The following RTCA variants were observed in gnomAD, a reference collection of about 807,000 sequenced individuals.
RTCA encodes the protein RNA terminal phosphate cyclase domain 1.
In RTCA, 37 loss-of-function variants were observed where a neutral mutation model predicts 46.1. The observed-to-expected ratio is 0.80, with a 90% CI of 0.62 to 1.06. The LOEUF (loss-of-function observed/expected upper bound fraction) is 1.06. RTCA is among the 50% of genes least tolerant of loss of function. The pLI is 0.00. For synonymous variants in RTCA, 164 were observed against 158.3 expected (o/e 1.04, Z -0.27); for missense variants, 435 against 455.5 (o/e 0.95, Z 0.41).
chr1:100,285,387 A>T lies in RTCA; in HGVS notation c.894+65A>T, dbSNP rs80144761. ...GATTTGAATATGTGGTAGATTGAAT[A>T]TCAATTTAAATAATTGACTTTCAGA... is the stretch of plus-strand genomic sequence containing the variant. On this transcript the variant is annotated intron_variant, in intron 9 of 10. Coordinates refer to ENST00000370128, the MANE Select transcript of RTCA (RefSeq NM_003729.4). 5,576 of 1,048,016 alleles carry T rather than the reference A, an allele frequency of 5.3e-3. 81 individuals carry two copies. The highest frequency in any genetic ancestry group is 0.038 in the Middle Eastern group (183 of 4,842). 64.9% of individuals were successfully genotyped at this position (1,048,016 alleles called of 1,614,324 possible). A position where few individuals can be genotyped will look rare whatever the true frequency, so the allele number is the denominator to read the frequency against.
chr1:100,291,607 TTTG>T lies in RTCA; in HGVS notation c.*104_*106del. On this transcript the variant is annotated 3_prime_UTR_variant, in exon 11 of 11. Transcript: ENST00000370128. ...AACTTATTAAAGGCTATGACTTAAA[TTTG>T]AAGATGAAGTACAGTGTTCTAGGTT... 1.4e-6 allele frequency: 1 copy of T among 728,956 alleles called. No individual in the cohort carries two copies. Among genetic ancestry groups the T allele is most frequent in the Non-Finnish European group, 2.3e-6 (1 of 439,686 alleles). 45.2% of individuals were successfully genotyped at this position (728,956 alleles called of 1,614,324 possible).
rs143784565 is a variant in RTCA at position 100,291,459 on chromosome 1, T to C, written c.1056T>C (p.Tyr352=). The C allele has an allele frequency of 4.0e-5, 65 of 1,612,448 alleles. No individual in the cohort carries two copies. In the East Asian group the frequency reaches 8.7e-4, roughly 22 times the overall value. Residue 352 remains tyrosine (Y), a synonymous_variant, in exon 11 of 11, where the codon TAT becomes TAC. Coordinates refer to ENST00000370128, the MANE Select transcript of RTCA (RefSeq NM_003729.4). ...EDEEDAAKDT[Y]IIECQGIGMT... Reference sequence around the variant, plus strand: ...AAGAAGACGCCGCTAAAGATACTTATATTATTGAATGCCAAGGAATTGGGA... The same window carrying C: ...AAGAAGACGCCGCTAAAGATACTTACATTATTGAATGCCAAGGAATTGGGA...
chr1:100,278,254 T>C (rs1331739634), intron 8 of RTCA, among the ~76,000 whole-genome samples: 1 of 152,256 alleles, frequency 6.6e-6, no homozygotes, highest in Non-Finnish European at 1.5e-5. Context: ...CTATTGATGA[T>C]TCTTCTCTGC....
intron 2 of RTCA, 52 bp downstream of exon 2, chr1:100,266,676 T>C: frequency 6.9e-7 from 1 of 1,457,474 alleles, no homozygotes; most frequent in Non-Finnish European, 9.4e-7. Context: ...GATCGGGGGG[T>C]CGGGCTGCCG....
In RTCA at chr1:100,274,914, T is replaced by G. The variant is rs992409975; in HGVS notation, c.564T>G (p.Cys188Trp). The change falls in exon 6 of 11, where the codon TGT becomes TGG. Residue 188 changes from cysteine to tryptophan, a missense_variant. Physicochemically the swap from Cys to Trp is radical, Grantham distance 215. Coordinates refer to ENST00000370128, the MANE Select transcript of RTCA (RefSeq NM_003729.4). ...LNPINLTERG[C>W]VTKIYGRAFV... Reference sequence around the variant, plus strand: ...CTATAAATTTAACTGAGCGTGGCTGTGTGACTAAGATATATGGAAGAGCTT... The same window carrying G: ...CTATAAATTTAACTGAGCGTGGCTGGGTGACTAAGATATATGGAAGAGCTT... 2 of 1,613,132 alleles carry G rather than the reference T, an allele frequency of 1.2e-6. No homozygotes were observed. The highest frequency in any genetic ancestry group is 1.7e-6 in the Non-Finnish European group (2 of 1,179,294).
chr1:100,275,852 T>A, intron 7 of RTCA, 129 bp downstream of exon 7: 1 of 814,778 alleles, frequency 1.2e-6, no homozygotes, highest in South Asian at 2.6e-5. Flanking sequence ...TATTTATTTA[T>A]TGAGGTGGAG....
intron 4 of RTCA, among the ~76,000 whole-genome samples, chr1:100,273,122 T>C (rs1348206923): frequency 6.6e-6 from 1 of 152,166 alleles, no homozygotes; most frequent in Non-Finnish European, 1.5e-5. Context: ...GCCTTCGGAG[T>C]AGAATAACCA....
intron 2 of RTCA, 41 bp from the exon 3 acceptor site, chr1:100,268,111 G>C: frequency 6.2e-7 from 1 of 1,608,728 alleles, no homozygotes; most frequent in Non-Finnish European, 8.5e-7. Flanking sequence ...GATGTAGGCA[G>C]TCTGAATGCA....
rs149399004 is a variant in RTCA at position 100,275,332 on chromosome 1, GTAATT to G, written c.616-264_616-260del. ...TTCATATACCAGATCTCAGCGACAT[GTAATT>G]TACCCATGTAACAAACCTGCACATG... On this transcript the variant is annotated intron_variant, in intron 6 of 10. Coordinates refer to ENST00000370128, the MANE Select transcript of RTCA (RefSeq NM_003729.4). Among the ~76,000 whole-genome samples the G allele has an allele frequency of 3.9e-5, 6 of 152,276 alleles. No individual in the cohort carries two copies. In the East Asian group the frequency reaches 1.2e-3, roughly 29 times the overall value.
At position 100,266,293 on chromosome 1, in the gene RTCA, T is replaced by G; in HGVS notation, c.-83T>G. The G allele has an allele frequency of 6.4e-7, 1 of 1,551,068 alleles. No individual in the cohort carries two copies. The highest frequency in any genetic ancestry group is 8.7e-7 in the Non-Finnish European group (1 of 1,143,702). On this transcript the variant is annotated 5_prime_UTR_variant, in exon 1 of 11. Coordinates refer to ENST00000370128, the MANE Select transcript of RTCA (RefSeq NM_003729.4). ...CAGGCATGAACCAAGGTTTCTGAAC[T>G]ACTGGGCGGGAGCCAACGTCTCTTC...
intron 2 of RTCA, chr1:100,266,901 A>T (rs891866710): frequency 4.3e-6 from 2 of 460,146 alleles, no homozygotes; most frequent in Non-Finnish European, 3.9e-6. Flanking sequence ...TTCTCACCTC[A>T]CCGGGCATTC....
intron 6 of RTCA, among the ~76,000 whole-genome samples, chr1:100,275,333 T>C (rs1666314709): frequency 6.6e-6 from 1 of 152,176 alleles, no homozygotes; most frequent in South Asian, 2.1e-4. Context: ...CAGCGACATG[T>C]AATTTACCCA....
intron 10 of RTCA, among the ~76,000 whole-genome samples, chr1:100,289,648 A>G (rs1372225526): frequency 6.6e-6 from 1 of 152,172 alleles, no homozygotes; most frequent in Non-Finnish European, 1.5e-5. Context: ...TTAATAGCAG[A>G]GATCAGGTTT....
intron 4 of RTCA, among the ~76,000 whole-genome samples, chr1:100,272,847 C>A (rs1181717016): frequency 6.6e-6 from 1 of 152,110 alleles, no homozygotes; most frequent in East Asian, 1.9e-4. Flanking sequence ...CTGTAATTAT[C>A]ATTATATAAG....
At chr1:100,275,534 C>A in intron 6 of RTCA, 65 bp from the exon 7 acceptor site, 1 of 1,341,410 alleles carries the variant, frequency 7.5e-7, no homozygotes, top group Non-Finnish European at 1.0e-6. Flanking sequence ...TCTTTGAAGT[C>A]TTGAAAACAA....
chr1:100,266,366 G>T lies in RTCA; in HGVS notation c.-10G>T. 1 of 1,612,182 alleles carries T rather than the reference G, an allele frequency of 6.2e-7. No homozygotes were observed. Among genetic ancestry groups the T allele is most frequent in the Non-Finnish European group, 8.5e-7 (1 of 1,179,502 alleles). ...TTTGTCGCTGCGGGCTGGGCCCCAG[G>T]GTGTCCCCCATGGCGGGGCCGCGGG... On this transcript the variant is annotated 5_prime_UTR_variant, in exon 1 of 11. Coordinates refer to ENST00000370128, the MANE Select transcript of RTCA (RefSeq NM_003729.4).
At chr1:100,288,175 G>A (rs1667133405) in intron 10 of RTCA, among the ~76,000 whole-genome samples, 1 of 152,122 alleles carries the variant, frequency 6.6e-6, no homozygotes, top group Non-Finnish European at 1.5e-5. Context: ...GAGGGGAAAA[G>A]CCTTCTCATA....
At position 100,291,929 on chromosome 1, in the gene RTCA, CT is replaced by C. The variant is rs34035586; in HGVS notation, c.*443del. 3.3e-3 allele frequency: 435 copies of C among 133,372 alleles called. No individual in the cohort carries two copies. The highest frequency in any genetic ancestry group is 7.8e-3 in the Middle Eastern group (2 of 256). 8.3% of individuals were successfully genotyped at this position (133,372 alleles called of 1,614,324 possible). A position where few individuals can be genotyped will look rare whatever the true frequency, so the allele number is the denominator to read the frequency against. On this transcript the variant is annotated 3_prime_UTR_variant, in exon 11 of 11. Coordinates refer to ENST00000370128, the MANE Select transcript of RTCA (RefSeq NM_003729.4). Reference sequence around the variant, plus strand: ...TTGTTGTGACAACAATAACATTTTCCTTTTTTTTTTTTTTTTTTGAGACAGT... The same window carrying C: ...TTGTTGTGACAACAATAACATTTTCCTTTTTTTTTTTTTTTTTGAGACAGT...
chr1:100,267,469 G>A, intron 2 of RTCA: 1 of 1,509,966 alleles, frequency 6.6e-7, no homozygotes, highest in Non-Finnish European at 8.9e-7. Flanking sequence ...ACAGAGTGGA[G>A]CTTAAACAAC....
Sources: gnomAD v4.1 joint callset for allele counts (sites outside exome capture counted in the v4.1 genomes callset) on GRCh38, gnomAD v4.1.1 for gene constraint, MANE v1.5 for transcripts, NCBI Gene and HGNC (gene_info 2026-07-23, HGNC 2026-07-21) for gene names.